Variants in TMEM87B observed in about 807,000 individuals in gnomAD.
TMEM87B encodes transmembrane protein 87B.
A neutral mutation model predicts 80.3 loss-of-function variants in TMEM87B; 83 were observed. That is an observed-to-expected ratio of 1.03 (90% CI 0.87 to 1.24). The LOEUF (loss-of-function observed/expected upper bound fraction) is 1.24, where lower values mean the gene tolerates loss of function less well. TMEM87B is among the 50% of genes most tolerant of loss of function. TMEM87B has a pLI of 0.00. For missense variants in TMEM87B, 625 were observed against 674.4 expected, an observed-to-expected ratio of 0.93 and a Z score of 0.81; for synonymous variants, 219 against 230.5, an observed-to-expected ratio of 0.95 and a Z score of 0.45.
rs766454102 is a variant in TMEM87B at position 112,100,608 on chromosome 2, T to C, written c.1377-14T>C. The C allele has an allele frequency of 1.9e-6, 3 of 1,581,294 alleles. No homozygotes were observed. The highest frequency in any genetic ancestry group is 2.6e-6 in the Non-Finnish European group (3 of 1,154,492). On this transcript the variant is annotated splice_polypyrimidine_tract_variant and intron_variant, in intron 14 of 18. Transcript: ENST00000283206. ...TAAACATACTAGTAAAACTACTCCT[T>C]GTTTTTGCTATAGATATGCCTTCAT...
intron 6 of TMEM87B, 111 bp downstream of exon 6, chr2:112,077,393 T>A (rs975955965): frequency 1.7e-5 from 8 of 481,352 alleles, no homozygotes. Context: ...AAAAATGAAT[T>A]TCTGTTAATC....
chr2:112,097,212 G>T, intron 12 of TMEM87B, 21 bp from the exon 13 acceptor site: 1 of 1,604,750 alleles, frequency 6.2e-7, no homozygotes, highest in Non-Finnish European at 8.5e-7. Context: ...TCCTTCAAAG[G>T]TGACTTTTTG....
At position 112,060,042 on chromosome 2, in the gene TMEM87B, G is replaced by A; in HGVS notation, c.226+5G>A. 1 of 1,572,496 alleles carries A rather than the reference G, an allele frequency of 6.4e-7. No homozygotes were observed. Among genetic ancestry groups the A allele is most frequent in the Non-Finnish European group, 8.7e-7 (1 of 1,154,264 alleles). On this transcript the variant is annotated splice_donor_5th_base_variant and intron_variant, in intron 2 of 18. Coordinates refer to ENST00000283206, the MANE Select transcript of TMEM87B (RefSeq NM_032824.3). ...CTACAGATATCAAGTTATCTGGTAA[G>A]TATAATAAAACAATAAAATACTAGA... is the stretch of plus-strand genomic sequence containing the variant.
At chr2:112,109,502 G>A (rs1318249722) in intron 17 of TMEM87B, among the ~76,000 whole-genome samples, 4 of 152,018 alleles carry the variant, frequency 2.6e-5, no homozygotes, top group Non-Finnish European at 5.9e-5. Flanking sequence ...CTTCCAACAT[G>A]TCTTTCCAAT....
chr2:112,110,308 T>G (rs369521428), intron 17 of TMEM87B, among the ~76,000 whole-genome samples: 1 of 152,232 alleles, frequency 6.6e-6, no homozygotes, highest in African/African-American at 2.4e-5. Context: ...GAATCATTTT[T>G]GTCTTTTTCT....
At chr2:112,112,752 C>A in intron 17 of TMEM87B, 147 bp from the exon 18 acceptor site, 1 of 714,162 alleles carries the variant, frequency 1.4e-6, no homozygotes, top group Admixed American at 2.6e-5. Flanking sequence ...GCATGTCTGT[C>A]TGCGAGCCTA....
At chr2:112,086,725 C>T (rs1679156990) in intron 9 of TMEM87B, among the ~76,000 whole-genome samples, 1 of 152,170 alleles carries the variant, frequency 6.6e-6, no homozygotes. Context: ...TCCAGACCCT[C>T]CCTCATTCCT....
At chr2:112,067,171 C>A in intron 4 of TMEM87B, 104 bp downstream of exon 4, 1 of 1,434,574 alleles carries the variant, frequency 7.0e-7, no homozygotes, top group Non-Finnish European at 9.6e-7. Context: ...TGGTATCTGA[C>A]TTGCCATGTT....
In TMEM87B at chr2:112,055,375, G is replaced by T; in HGVS notation, c.-217G>T. ...CCAGGCATCTCCCAGCTGCACGCTC[G>T]GGCCCGGCTCAGAGCCCTAAGCCCT... On this transcript the variant is annotated 5_prime_UTR_variant, in exon 1 of 19. Transcript: ENST00000283206. 5.6e-6 allele frequency: 3 copies of T among 533,034 alleles called. No homozygotes were observed. Among genetic ancestry groups the T allele is most frequent in the Non-Finnish European group, 9.6e-6 (3 of 312,482 alleles). The allele number at this position is 533,034 out of a possible 1,614,324, so 33.0% of individuals were successfully genotyped here. A position where few individuals can be genotyped will look rare whatever the true frequency, so the allele number is the denominator to read the frequency against.
At chr2:112,108,726 T>G (rs750071762) in intron 17 of TMEM87B, among the ~76,000 whole-genome samples, 2 of 152,152 alleles carry the variant, frequency 1.3e-5, no homozygotes, top group Non-Finnish European at 2.9e-5. Context: ...GGGAATTGTC[T>G]GCCTTCAGGA....
At chr2:112,061,271 G>A (rs1033521215) in intron 2 of TMEM87B, among the ~76,000 whole-genome samples, 4 of 152,166 alleles carry the variant, frequency 2.6e-5, no homozygotes, top group African/African-American at 9.7e-5. Context: ...AACCTAACTA[G>A]GAAAATTGGT....
At chr2:112,056,522 C>T (rs1161405154) in intron 1 of TMEM87B, among the ~76,000 whole-genome samples, 2 of 152,086 alleles carry the variant, frequency 1.3e-5, no homozygotes, top group South Asian at 4.2e-4. Context: ...TATGGAAAGT[C>T]TTGCAAAAGA....
At chr2:112,067,644 A>T (rs1178627090) in intron 4 of TMEM87B, among the ~76,000 whole-genome samples, 2 of 152,100 alleles carry the variant, frequency 1.3e-5, no homozygotes, top group Non-Finnish European at 2.9e-5. Context: ...TTTCCTTGCA[A>T]CTTATTTTGG....
At chr2:112,094,313 C>T (rs1467998839) in intron 11 of TMEM87B, among the ~76,000 whole-genome samples, 1 of 152,104 alleles carries the variant, frequency 6.6e-6, no homozygotes, top group African/African-American at 2.4e-5. Context: ...AGGCGTGCGC[C>T]ACCACGCCCA....
chr2:112,058,609 T>G (rs1558825569), intron 1 of TMEM87B, among the ~76,000 whole-genome samples: 1 of 152,180 alleles, frequency 6.6e-6, no homozygotes, highest in Non-Finnish European at 1.5e-5. Flanking sequence ...GGATTAGACC[T>G]CCAGACTCCC....
intron 4 of TMEM87B, among the ~76,000 whole-genome samples, chr2:112,074,650 A>G (rs1380353877): frequency 6.6e-6 from 1 of 152,098 alleles, no homozygotes; most frequent in Non-Finnish European, 1.5e-5. Flanking sequence ...ATATACTGAA[A>G]TAGGTTTTTC....
Position 112,106,078 on chromosome 2 carries a change from G to C in TMEM87B, c.1524+3G>C, listed in dbSNP as rs1209916100. On this transcript the variant is annotated splice_donor_region_variant and intron_variant, in intron 16 of 18. Transcript: ENST00000283206. ...AGCCTGCCACTTCTGAGAACTTTGT[G>C]AGTATGGTATATATTTAGTACAATC... The C allele has an allele frequency of 6.5e-7, 1 of 1,550,034 alleles. No homozygotes were observed. The highest frequency in any genetic ancestry group is 8.7e-7 in the Non-Finnish European group (1 of 1,153,056).
chr2:112,108,089 A>G lies in TMEM87B; in HGVS notation c.1577+249A>G, dbSNP rs151136550. On this transcript the variant is annotated intron_variant, in intron 17 of 18. Coordinates refer to ENST00000283206, the MANE Select transcript of TMEM87B (RefSeq NM_032824.3). ...CAACTCTAGCTTTTTCTGATCTGCC[A>G]TTATCAGGATCATTTCATTTTTTAT... is the stretch of plus-strand genomic sequence containing the variant. 8.7e-3 allele frequency among the ~76,000 whole-genome samples: 1,326 copies of G among 152,242 alleles called. 28 individuals are homozygous for G. The highest frequency in any genetic ancestry group is 0.03 in the African/African-American group (1,256 of 41,550).
intron 17 of TMEM87B, among the ~76,000 whole-genome samples, chr2:112,108,967 A>C (rs1679841323): frequency 6.6e-6 from 1 of 152,208 alleles, no homozygotes; most frequent in African/African-American, 2.4e-5. Context: ...ACTTTTTGTT[A>C]ACACTTATTA....
Sources: allele counts gnomAD v4.1 joint callset (sites outside exome capture counted in the v4.1 genomes callset), GRCh38; gene constraint gnomAD v4.1.1; transcripts MANE v1.5; gene names NCBI Gene and HGNC (gene_info 2026-07-23, HGNC 2026-07-21).